Variants in RHOA observed in about 807,000 individuals in gnomAD.
RHOA encodes the protein transforming protein RhoA.
RHOA carries 3 observed loss-of-function variants against 17.5 expected under a neutral mutation model. The ratio of observed to expected loss-of-function variants is 0.17; its 90% CI spans 0.08 to 0.44. RHOA has a LOEUF of 0.44. RHOA is among the 20% of genes least tolerant of loss of function. RHOA has a pLI of 0.99. For missense variants in RHOA, 56 were observed against 242.3 expected (o/e 0.23, Z 5.10); for synonymous variants, 98 against 88.4 (o/e 1.11, Z -0.61).
chr3:49,411,752 C>G (rs1042740229), intron 1 of RHOA, 68 bp downstream of exon 1: 3 of 152,014 alleles, frequency 2.0e-5, no homozygotes, highest in Admixed American at 6.6e-5. Flanking sequence ...GGCGGCCTGC[C>G]GGCCGGAAGA....
chr3:49,372,926 C>T (rs1020399794), intron 2 of RHOA, among the ~76,000 whole-genome samples: 2 of 152,092 alleles, frequency 1.3e-5, no homozygotes, highest in Non-Finnish European at 2.9e-5. Flanking sequence ...GGTCAAACAA[C>T]TATCAGGAAG....
chr3:49,367,342 C>CAAAAA lies in RHOA; in HGVS notation c.277+1081_277+1085dup, dbSNP rs62926260. ...TGGGAGACAGAGCAAGACTCCCTCTCAAAAAAAAAAAAAAAAAAAAAAAAG... is the reference window on the plus strand; with the variant it reads ...TGGGAGACAGAGCAAGACTCCCTCTCAAAAAAAAAAAAAAAAAAAAAAAAAAAAAG... On this transcript the variant is annotated intron_variant, in intron 3 of 4. Coordinates refer to ENST00000418115, the MANE Select transcript of RHOA (RefSeq NM_001664.4). Among the ~76,000 whole-genome samples, 113 of 80,452 alleles carry CAAAAA rather than the reference C, an allele frequency of 1.4e-3. 7 individuals carry two copies. Among genetic ancestry groups the CAAAAA allele is most frequent in the South Asian group, 5.4e-3 (9 of 1,652 alleles). 52.8% of individuals were successfully genotyped at this position (80,452 alleles called of 152,430 possible).
intron 1 of RHOA, among the ~76,000 whole-genome samples, chr3:49,378,366 A>T (rs2048267147): frequency 7.0e-6 from 1 of 143,398 alleles, no homozygotes; most frequent in South Asian, 2.2e-4. Flanking sequence ...CCCACTTCAA[A>T]TTCCCCAGCA....
At position 49,360,270 on chromosome 3, in the gene RHOA, G is replaced by A; in HGVS notation, c.521C>T (p.Ala174Val). ...KDGVREVFEM[A>V]TRAALQARRG... The stretch of plus-strand genomic sequence containing the variant: ...TCTAGCTTGCAGAGCAGCTCTCGTA[G>A]CCATTTCAAAAACCTCTCTCACTCC... The change falls in exon 5 of 5, where the codon GCT becomes GTT. Residue 174 changes from alanine to valine, a missense_variant. Coordinates refer to ENST00000418115, the MANE Select transcript of RHOA (RefSeq NM_001664.4). 1 of 1,614,044 alleles carries A rather than the reference G, an allele frequency of 6.2e-7. No homozygotes were observed. The highest frequency in any genetic ancestry group is 8.5e-7 in the Non-Finnish European group (1 of 1,179,998).
At chr3:49,360,579 C>T (rs975926151) in intron 4 of RHOA, among the ~76,000 whole-genome samples, 197 bp from the exon 5 acceptor site, 7 of 151,836 alleles carry the variant, frequency 4.6e-5, no homozygotes, top group African/African-American at 1.7e-4. Context: ...GGGATTCTCC[C>T]GCCTCAGCCT....
At chr3:49,363,709 G>C (rs181453822) in intron 3 of RHOA, among the ~76,000 whole-genome samples, 1 of 151,840 alleles carries the variant, frequency 6.6e-6, no homozygotes, top group Non-Finnish European at 1.5e-5. Flanking sequence ...AAAATTAGCC[G>C]GGCGCAGTGG....
chr3:49,407,055 G>A (rs575964774), intron 1 of RHOA, among the ~76,000 whole-genome samples: 2 of 152,044 alleles, frequency 1.3e-5, no homozygotes, highest in Admixed American at 6.6e-5. Flanking sequence ...ACTGAGGCAC[G>A]AGAATCGCTT....
intron 1 of RHOA, among the ~76,000 whole-genome samples, chr3:49,387,927 T>A (rs989156212): frequency 5.3e-5 from 8 of 152,078 alleles, no homozygotes; most frequent in African/African-American, 1.9e-4. Context: ...GGTTCTAGCA[T>A]GTCTTACACC....
intron 2 of RHOA, among the ~76,000 whole-genome samples, chr3:49,373,701 G>C (rs2048180171): frequency 6.6e-6 from 1 of 152,086 alleles, no homozygotes; most frequent in African/African-American, 2.4e-5. Context: ...CTATTTGGGA[G>C]GCTGAGGTGG....
At chr3:49,369,810 G>C (rs1187388536) in intron 2 of RHOA, among the ~76,000 whole-genome samples, 2 of 152,096 alleles carry the variant, frequency 1.3e-5, no homozygotes, top group South Asian at 4.1e-4. Flanking sequence ...GCTCACGCCT[G>C]TAATCCCAGC....
Position 49,377,135 on chromosome 3 carries a change from G to T in RHOA, c.-2-1544C>A, listed in dbSNP as rs1344604979. On this transcript the variant is annotated intron_variant, in intron 1 of 4. Transcript: ENST00000418115. ...AAGAGCGAAACTCCGTCTCAAAAAA[G>T]AAAAATCAATTGAGGCCGAGCACAG... is the stretch of plus-strand genomic sequence containing the variant. Among the ~76,000 whole-genome samples, 5 of 152,010 alleles carry T rather than the reference G, an allele frequency of 3.3e-5. No individual in the cohort carries two copies. The East Asian group carries it at 9.7e-4, about 29-fold the overall frequency.
rs140890863 is a variant in RHOA, at chr3:49,404,194, T to C, written c.-3+7626A>G. Among the ~76,000 whole-genome samples the C allele has an allele frequency of 2.0e-5, 3 of 148,592 alleles. No individual in the cohort carries two copies. In the East Asian group the frequency reaches 5.8e-4, roughly 29 times the overall value. On this transcript the variant is annotated intron_variant, in intron 1 of 4. Transcript: ENST00000418115. ...CACATACACCTGTAGTCCCAGCTAC[T>C]AGGGAGGACGAGGCGTAAGGATACC...
chr3:49,365,875 G>A (rs1208907014), intron 3 of RHOA, among the ~76,000 whole-genome samples: 1 of 152,112 alleles, frequency 6.6e-6, no homozygotes, highest in Non-Finnish European at 1.5e-5. Flanking sequence ...ACAGGCGTGA[G>A]CCACCATGCC....
chr3:49,377,053 G>A (rs554937613), intron 1 of RHOA, among the ~76,000 whole-genome samples: 19 of 152,210 alleles, frequency 1.2e-4, no homozygotes, highest in Non-Finnish European at 2.5e-4. Flanking sequence ...GCTTGAACCC[G>A]GGAGGCAGAG....
At chr3:49,396,635 A>C (rs1211631015) in intron 1 of RHOA, among the ~76,000 whole-genome samples, 1 of 151,994 alleles carries the variant, frequency 6.6e-6, no homozygotes, top group Non-Finnish European at 1.5e-5. Flanking sequence ...TGAACCTGGG[A>C]GGTGGAGGTG....
intron 1 of RHOA, among the ~76,000 whole-genome samples, chr3:49,393,674 C>CTGTGTGTGTGTGTGTGTGTG (rs200446484): frequency 2.3e-4 from 1 of 4,354 alleles, no homozygotes; most frequent in African/African-American, 7.1e-4. Flanking sequence ...CAAATTCTCT[C>CTGTGTGTGTGTGTGTGTGTG]TCTGTGTGTG....
chr3:49,390,138 T>A (rs1463930152), intron 1 of RHOA, among the ~76,000 whole-genome samples: 2 of 148,928 alleles, frequency 1.3e-5, no homozygotes, highest in Admixed American at 6.7e-5. Context: ...TGTCAGGAAT[T>A]TTTTTTTTTT....
chr3:49,389,769 C>G (rs80102923), intron 1 of RHOA, among the ~76,000 whole-genome samples: 1 of 151,552 alleles, frequency 6.6e-6, no homozygotes, highest in Non-Finnish European at 1.5e-5. Flanking sequence ...ATCCCAGTCT[C>G]TACCACACAC....
chr3:49,375,464 A>G lies in RHOA; in HGVS notation c.126T>C (p.Tyr42=), dbSNP rs1489667828. 1 of 1,613,586 alleles carries G rather than the reference A, an allele frequency of 6.2e-7. No individual in the cohort carries two copies. Residue 42 remains tyrosine, a synonymous_variant, in exon 2 of 5, where the codon TAT becomes TAC. Coordinates refer to ENST00000418115, the MANE Select transcript of RHOA (RefSeq NM_001664.4). ...EVYVPTVFEN[Y]VADIEVDGKQ... Reference sequence around the variant, plus strand: ...TTCCATCCACCTCGATATCTGCCACATAGTTCTCAAACACTGTGGGCACAT... The same window carrying G: ...TTCCATCCACCTCGATATCTGCCACGTAGTTCTCAAACACTGTGGGCACAT...
Sources: allele counts gnomAD v4.1 joint callset (sites outside exome capture counted in the v4.1 genomes callset), GRCh38; gene constraint gnomAD v4.1.1; transcripts MANE v1.5; gene names NCBI Gene and HGNC (gene_info 2026-07-23, HGNC 2026-07-21).